TDRD5: variants seen among roughly 807,000 people sequenced by gnomAD.
The protein encoded by TDRD5 is tudor domain-containing protein 5.
Under a neutral mutation model 120.6 loss-of-function variants are expected in TDRD5, and 41 were observed. That is an observed-to-expected ratio of 0.34 (90% CI 0.26 to 0.44). TDRD5 has a LOEUF of 0.44. Ranked by LOEUF, TDRD5 falls within the 20% of genes least tolerant of loss-of-function variation. The pLI, the probability that TDRD5 is intolerant of heterozygous loss-of-function variation, is 1.00. For synonymous variants in TDRD5, 430 were observed against 433.7 expected (o/e 0.99, Z 0.11); for missense variants, 1,006 against 1,221.2 (o/e 0.82, Z 2.63).
chr1:179,602,887 A>G (rs1675792214), intron 4 of TDRD5, among the ~76,000 whole-genome samples: 1 of 152,086 alleles, frequency 6.6e-6, no homozygotes, highest in Admixed American at 6.6e-5. Context: ...TATGAATTTT[A>G]GAATTGTTTT....
intron 17 of TDRD5, among the ~76,000 whole-genome samples, chr1:179,681,732 A>T (rs1680430670): frequency 6.6e-6 from 1 of 151,366 alleles, no homozygotes; most frequent in Non-Finnish European, 1.5e-5. Context: ...GACCAAAAAA[A>T]AATTAATTTT....
rs184490736 is a variant in TDRD5 at position 179,679,204 on chromosome 1, G to T, written c.2860+9800G>T. Among the ~76,000 whole-genome samples, 20 of 152,002 alleles carry T rather than the reference G, an allele frequency of 1.3e-4. No homozygotes were observed. In the East Asian group the frequency reaches 2.7e-3, roughly 21 times the overall value. ...AATATTAAACCAACCTTACATTCCT[G>T]GGATAATGCCCTCGTGGTCATGATA... is the stretch of plus-strand genomic sequence containing the variant. On this transcript the variant is annotated intron_variant, in intron 17 of 17. Coordinates refer to ENST00000444136, the MANE Select transcript of TDRD5 (RefSeq NM_001199085.3).
intron 6 of TDRD5, among the ~76,000 whole-genome samples, chr1:179,624,857 G>A (rs905748629): frequency 2.6e-5 from 4 of 151,872 alleles, no homozygotes; most frequent in Admixed American, 1.3e-4. Context: ...TAATTCTTGC[G>A]GGCTATTCGT....
chr1:179,605,647 G>T (rs1675933859), intron 4 of TDRD5, among the ~76,000 whole-genome samples: 1 of 152,102 alleles, frequency 6.6e-6, no homozygotes, highest in South Asian at 2.1e-4. Context: ...TAATCCCATG[G>T]TAACCACTGA....
chr1:179,656,161 A>G (rs941973041), intron 14 of TDRD5, among the ~76,000 whole-genome samples: 3 of 152,204 alleles, frequency 2.0e-5, no homozygotes, highest in Non-Finnish European at 2.9e-5. Context: ...GTATCACAGC[A>G]TGATTTTAAA....
intron 4 of TDRD5, among the ~76,000 whole-genome samples, chr1:179,600,221 T>G (rs552296567): frequency 6.6e-6 from 1 of 152,162 alleles, no homozygotes; most frequent in Non-Finnish European, 1.5e-5. Context: ...GTCCTAGGCC[T>G]ACACATTCAC....
chr1:179,687,605 T>C (rs923488087), intron 17 of TDRD5, among the ~76,000 whole-genome samples: 5 of 152,184 alleles, frequency 3.3e-5, no homozygotes, highest in African/African-American at 1.2e-4. Flanking sequence ...CCTTGTTAAC[T>C]TTCTGTCTCA....
chr1:179,599,327 T>G (rs1207039458), intron 4 of TDRD5, among the ~76,000 whole-genome samples: 1 of 152,078 alleles, frequency 6.6e-6, no homozygotes, highest in Non-Finnish European at 1.5e-5. Flanking sequence ...TTGGAATCAT[T>G]TTAATACAGG....
chr1:179,619,390 T>C (rs73035999), intron 5 of TDRD5, among the ~76,000 whole-genome samples: 4,478 of 152,260 alleles, frequency 0.029, 224 homozygotes, highest in African/African-American at 0.1. Flanking sequence ...AACTCTTTGG[T>C]GTTATGTATT....
chr1:179,639,897 C>G lies in TDRD5; in HGVS notation c.1579C>G (p.Gln527Glu). The G allele has an allele frequency of 6.2e-7, 1 of 1,614,074 alleles. No individual in the cohort carries two copies. The highest frequency in any genetic ancestry group is 8.5e-7 in the Non-Finnish European group (1 of 1,179,990). ...DRYVMPECFI[Q>E]PGHLCCVRIS... ...ATATGTCATGCCAGAATGTTTTATT[C>G]AGCCGGGACATCTCTGTTGTGTAAG... Residue 527 changes from glutamine (Q) to glutamate (E), a missense_variant, in exon 10 of 18, where the codon CAG becomes GAG. Transcript: ENST00000444136.
chr1:179,625,715 A>G (rs1275957662), intron 6 of TDRD5, among the ~76,000 whole-genome samples: 2 of 152,210 alleles, frequency 1.3e-5, no homozygotes, highest in African/African-American at 4.8e-5. Context: ...ACAGCTTTAT[A>G]CATTATAGCC....
At chr1:179,670,092 T>G (rs1383503370) in intron 17 of TDRD5, among the ~76,000 whole-genome samples, 1 of 152,134 alleles carries the variant, frequency 6.6e-6, no homozygotes, top group Non-Finnish European at 1.5e-5. Context: ...TTTATTTCTA[T>G]TAAAGATATA....
At chr1:179,622,423 G>C (rs932029669) in intron 6 of TDRD5, among the ~76,000 whole-genome samples, 47 of 152,104 alleles carry the variant, frequency 3.1e-4, no homozygotes, top group African/African-American at 8.7e-4. Flanking sequence ...AAGAAAATGT[G>C]ACCCCTTGAC....
intron 6 of TDRD5, among the ~76,000 whole-genome samples, chr1:179,629,854 T>G (rs1677336996): frequency 6.6e-6 from 1 of 152,256 alleles, no homozygotes; most frequent in Non-Finnish European, 1.5e-5. Context: ...ATGTATTTTA[T>G]GTGTCTATCC....
chr1:179,634,442 G>T lies in TDRD5; in HGVS notation c.1127-15G>T, dbSNP rs1237931921. 6.3e-7 allele frequency: 1 copy of T among 1,583,986 alleles called. No homozygotes were observed. The highest frequency in any genetic ancestry group is 8.5e-7 in the Non-Finnish European group (1 of 1,171,598). On this transcript the variant is annotated splice_polypyrimidine_tract_variant and intron_variant, in intron 7 of 17. Transcript: ENST00000444136. ...TGAGATGGAGTTGTTTCATCAGTCG[G>T]AAATTTGTGTTTAGTTCAGTCAGAT...
At chr1:179,603,588 A>C (rs1205564625) in intron 4 of TDRD5, among the ~76,000 whole-genome samples, 1 of 152,132 alleles carries the variant, frequency 6.6e-6, no homozygotes, top group Non-Finnish European at 1.5e-5. Flanking sequence ...ATCATAAAGC[A>C]ATGCTGGATT....
intron 6 of TDRD5, among the ~76,000 whole-genome samples, chr1:179,627,811 T>A (rs1677209324): frequency 6.6e-6 from 1 of 152,126 alleles, no homozygotes; most frequent in Non-Finnish European, 1.5e-5. Flanking sequence ...AAATGGTAAA[T>A]AAAGAGAGCC....
intron 11 of TDRD5, among the ~76,000 whole-genome samples, chr1:179,650,154 A>C (rs1028810205): frequency 1.3e-5 from 2 of 152,082 alleles, no homozygotes; most frequent in Non-Finnish European, 2.9e-5. Flanking sequence ...TAATCCTAGA[A>C]CCTTGGGAGG....
chr1:179,652,033 T>C lies in TDRD5; in HGVS notation c.2002-6T>C. 6.2e-7 allele frequency: 1 copy of C among 1,610,322 alleles called. No individual in the cohort carries two copies. The highest frequency in any genetic ancestry group is 1.3e-5 in the African/African-American group (1 of 74,776). On this transcript the variant is annotated splice_region_variant and splice_polypyrimidine_tract_variant and intron_variant, in intron 12 of 17. Coordinates refer to ENST00000444136, the MANE Select transcript of TDRD5 (RefSeq NM_001199085.3). ...TAAACCATCCCTTTTCTTTTTTTAA[T>C]CTTAGGGTTTCAGTGAGCTCAACCC...
Sources: allele counts gnomAD v4.1 joint callset (sites outside exome capture counted in the v4.1 genomes callset), GRCh38; gene constraint gnomAD v4.1.1; transcripts MANE v1.5; gene names NCBI Gene and HGNC (gene_info 2026-07-23, HGNC 2026-07-21).